Variants in LMAN2L observed in about 807,000 individuals in gnomAD.
LMAN2L encodes the protein lectin, mannose binding 2 like.
Under a neutral mutation model 44.3 loss-of-function variants are expected in LMAN2L, and 30 were observed. The observed-to-expected ratio is 0.68, with a 90% confidence interval of 0.51 to 0.92. The LOEUF (loss-of-function observed/expected upper bound fraction) is 0.92. LMAN2L is among the 40% of genes least tolerant of loss of function. The probability of loss-of-function intolerance (pLI) is 0.00; values close to 1 mark genes in which losing one functional copy is unlikely to be tolerated. For missense variants in LMAN2L, 429 were observed against 446.1 expected (o/e 0.96, Z 0.35); for synonymous variants, 183 against 171.1 (o/e 1.07, Z -0.54).
rs762772168 is a variant in LMAN2L, at chr2:96,711,744, A to G, written c.696T>C (p.His232=). The G allele has an allele frequency of 3.7e-6, 6 of 1,614,042 alleles. No homozygotes were observed. In the African/African-American group the frequency reaches 6.7e-5, roughly 18 times the overall value. ...LTIMMDIDGK[H]EWRDCIEVPG... is the part of the protein sequence containing the mutation. ...GCACTTCAATGCAGTCCCTCCACTC[A>G]TGCTTGCCATCAATATCCATCATTA... Residue 232 remains histidine (H), a synonymous_variant, in exon 6 of 8, where the codon CAT becomes CAC. Coordinates refer to ENST00000264963, the MANE Select transcript of LMAN2L (RefSeq NM_030805.4).
chr2:96,720,078 G>A (rs1017308225), intron 4 of LMAN2L, among the ~76,000 whole-genome samples: 4 of 151,936 alleles, frequency 2.6e-5, no homozygotes, highest in African/African-American at 7.3e-5. Context: ...TGGATGGCAT[G>A]GTATTGTTAA....
chr2:96,710,444 C>A (rs572093087), intron 6 of LMAN2L, among the ~76,000 whole-genome samples: 1 of 152,110 alleles, frequency 6.6e-6, no homozygotes, highest in Non-Finnish European at 1.5e-5. Context: ...CCAAGGCGGG[C>A]GGATCACAAG....
chr2:96,706,323 G>A lies in LMAN2L; in HGVS notation c.*933C>T, dbSNP rs187953952. 11 of 152,192 alleles carry A rather than the reference G, an allele frequency of 7.2e-5. No homozygotes were observed. Among genetic ancestry groups the A allele is most frequent in the Admixed American group, 5.2e-4 (8 of 15,284 alleles). The allele number at this position is 152,192 out of a possible 1,614,324, so 9.4% of individuals were successfully genotyped here. On this transcript the variant is annotated 3_prime_UTR_variant, in exon 8 of 8. Transcript: ENST00000264963. ...CACTCAAAGTGGGATTCCAAAAATCGTAACTACAAAACATGCAGCTAAGCA... is the reference window on the plus strand; with the variant it reads ...CACTCAAAGTGGGATTCCAAAAATCATAACTACAAAACATGCAGCTAAGCA...
rs182912733 is a variant in LMAN2L at position 96,724,016 on chromosome 2, G to A, written c.507+9503C>T. Among the ~76,000 whole-genome samples, 924 of 151,712 alleles carry A rather than the reference G, an allele frequency of 6.1e-3. 5 individuals are homozygous for A. Among genetic ancestry groups the A allele is most frequent in the African/African-American group, 0.021 (861 of 41,384 alleles). On this transcript the variant is annotated intron_variant, in intron 4 of 7. Transcript: ENST00000264963. Reference sequence around the variant, plus strand: ...CGGGAGGCTGAGGCAGGAGAATGGCGTGAACCCAGGAGGCAGAGCTTGCAG... The same window carrying A: ...CGGGAGGCTGAGGCAGGAGAATGGCATGAACCCAGGAGGCAGAGCTTGCAG...
chr2:96,711,568 T>C (rs967172615), intron 6 of LMAN2L, 88 bp downstream of exon 6: 1 of 855,300 alleles, frequency 1.2e-6, no homozygotes, highest in Non-Finnish European at 1.9e-6. Flanking sequence ...ACCGCTCCTC[T>C]GGCTCTCCCC....
In LMAN2L at chr2:96,739,851, C is replaced by T. The variant is rs772551733; in HGVS notation, c.187+3G>A. 5.0e-6 allele frequency: 8 copies of T among 1,613,332 alleles called. No homozygotes were observed. In the South Asian group the frequency reaches 8.8e-5, roughly 18 times the overall value. On this transcript the variant is annotated splice_donor_region_variant and intron_variant, in intron 1 of 7. Transcript: ENST00000264963. ...CACGACCACCTCACCCTGGGCGCCT[C>T]ACCCTGGTAGGGCTTCGACAGCGAG... is the stretch of plus-strand genomic sequence containing the variant.
chr2:96,717,755 C>G (rs1338967389), intron 4 of LMAN2L, among the ~76,000 whole-genome samples: 1 of 149,542 alleles, frequency 6.7e-6, no homozygotes, highest in Non-Finnish European at 1.5e-5. Flanking sequence ...AGGAGAATCG[C>G]TTGAACCCAG....
chr2:96,709,829 C>T (rs1409519913), intron 6 of LMAN2L, among the ~76,000 whole-genome samples: 1 of 152,242 alleles, frequency 6.6e-6, no homozygotes, highest in African/African-American at 2.4e-5. Context: ...GCAGAGAACA[C>T]AGACTTACTA....
chr2:96,707,105 G>C lies in LMAN2L; in HGVS notation c.*151C>G. 1 of 698,944 alleles carries C rather than the reference G, an allele frequency of 1.4e-6. No individual in the cohort carries two copies. Among genetic ancestry groups the C allele is most frequent in the Admixed American group, 3.1e-5 (1 of 32,602 alleles). The allele number at this position is 698,944 out of a possible 1,614,324, so 43.3% of individuals were successfully genotyped here. On this transcript the variant is annotated 3_prime_UTR_variant, in exon 8 of 8. Coordinates refer to ENST00000264963, the MANE Select transcript of LMAN2L (RefSeq NM_030805.4). ...CCCCATGCACAACCATGGGAATGCG[G>C]GGTCCCTGCATTCAAAACTCCAGTG...
chr2:96,711,325 C>T (rs766121586), intron 6 of LMAN2L, among the ~76,000 whole-genome samples: 6 of 152,048 alleles, frequency 3.9e-5, no homozygotes, highest in African/African-American at 9.7e-5. Flanking sequence ...GGAAGGGGAA[C>T]GGGGAACATT....
intron 5 of LMAN2L, 33 bp from the exon 6 acceptor site, chr2:96,711,803 G>A (rs1420697576): frequency 6.2e-7 from 1 of 1,612,300 alleles, no homozygotes; most frequent in Non-Finnish European, 8.5e-7. Flanking sequence ...TCAGGGTCAG[G>A]CCATGGGAGC....
At position 96,730,013 on chromosome 2, in the gene LMAN2L, G is replaced by GTC. The variant is rs1340140055; in HGVS notation, c.507+3505_507+3506insGA. Among the ~76,000 whole-genome samples the GTC allele has an allele frequency of 2.0e-5, 3 of 152,260 alleles. No individual in the cohort carries two copies. The East Asian group carries it at 5.8e-4, about 29-fold the overall frequency. On this transcript the variant is annotated intron_variant, in intron 4 of 7. Coordinates refer to ENST00000264963, the MANE Select transcript of LMAN2L (RefSeq NM_030805.4). ...AGGGAATTACAATGTGCACTTGGAAGTAAGAACCACAATAGCTAGCCAGAA... is the reference window on the plus strand; with the variant it reads ...AGGGAATTACAATGTGCACTTGGAAGTCTAAGAACCACAATAGCTAGCCAGAA...
chr2:96,707,387 G>T lies in LMAN2L; in HGVS notation c.916C>A (p.Leu306Met), dbSNP rs1471832568. Residue 306 changes from leucine to methionine, a missense_variant, in exon 8 of 8, where the codon CTG becomes ATG. Coordinates refer to ENST00000264963, the MANE Select transcript of LMAN2L (RefSeq NM_030805.4). ...AGGGCCAGGCCACTCAGGGGCGGCA[G>T]TGGAGCTGTCACTGAGGAAGCAAGA... The part of the protein sequence containing the change: ...NMKLPEMTAP[L>M]PPLSGLALFL... 2 of 1,611,926 alleles carry T rather than the reference G, an allele frequency of 1.2e-6. No individual in the cohort carries two copies. Among genetic ancestry groups the T allele is most frequent in the Admixed American group, 3.4e-5 (2 of 59,634 alleles).
In LMAN2L at chr2:96,707,319, G is replaced by T; in HGVS notation, c.984C>A (p.Ala328=). Reference sequence around the variant, plus strand: ...TGTAGAGTATGATACCAATGACTATGGCAAATACAGAAAACACCAGGGAGA... The same window carrying T: ...TGTAGAGTATGATACCAATGACTATTGCAAATACAGAAAACACCAGGGAGA... ...VFFSLVFSVF[A]IVIGIILYNK... is the part of the protein sequence containing the mutation. The change falls in exon 8 of 8, where the codon GCC becomes GCA. Residue 328 remains alanine, a synonymous_variant. Coordinates refer to ENST00000264963, the MANE Select transcript of LMAN2L (RefSeq NM_030805.4). The T allele has an allele frequency of 6.2e-7, 1 of 1,614,052 alleles. No homozygotes were observed.
At chr2:96,719,412 A>G (rs1424446511) in intron 4 of LMAN2L, among the ~76,000 whole-genome samples, 4 of 136,086 alleles carry the variant, frequency 2.9e-5, no homozygotes, top group African/African-American at 1.0e-4. Flanking sequence ...CTCTCTGCCA[A>G]CAGTAAAGAG....
Position 96,710,186 on chromosome 2 carries a change from T to TA in LMAN2L, c.784+1469dup, listed in dbSNP as rs1433496809. ...AGGGGAGGAATACTGCAAAGGGGGATAATAAGGCTTTTGGCAGGTGATGGA... is the reference window on the plus strand; with the variant it reads ...AGGGGAGGAATACTGCAAAGGGGGATAAATAAGGCTTTTGGCAGGTGATGGA... On this transcript the variant is annotated intron_variant, in intron 6 of 7. Coordinates refer to ENST00000264963, the MANE Select transcript of LMAN2L (RefSeq NM_030805.4). Among the ~76,000 whole-genome samples the TA allele has an allele frequency of 2.0e-5, 3 of 152,342 alleles. No individual in the cohort carries two copies. In the East Asian group the frequency reaches 5.8e-4, roughly 29 times the overall value.
chr2:96,718,999 T>C (rs2078096689), intron 4 of LMAN2L, among the ~76,000 whole-genome samples: 1 of 152,216 alleles, frequency 6.6e-6, no homozygotes, highest in Non-Finnish European at 1.5e-5. Flanking sequence ...AGGACTTCAA[T>C]AAAGAGTACT....
intron 4 of LMAN2L, among the ~76,000 whole-genome samples, chr2:96,714,063 T>G (rs1265720385): frequency 6.6e-6 from 1 of 152,154 alleles, no homozygotes; most frequent in African/African-American, 2.4e-5. Context: ...GGAATGGAAT[T>G]AAGATCAGAG....
At position 96,707,108 on chromosome 2, in the gene LMAN2L, T is replaced by A. The variant is rs949983612; in HGVS notation, c.*148A>T. Reference sequence around the variant, plus strand: ...CATGCACAACCATGGGAATGCGGGGTCCCTGCATTCAAAACTCCAGTGACA... The same window carrying A: ...CATGCACAACCATGGGAATGCGGGGACCCTGCATTCAAAACTCCAGTGACA... On this transcript the variant is annotated 3_prime_UTR_variant, in exon 8 of 8. Transcript: ENST00000264963. The A allele has an allele frequency of 9.9e-5, 69 of 696,974 alleles. No individual in the cohort carries two copies. The African/African-American group carries it at 1.1e-3, about 12-fold the overall frequency. The allele number at this position is 696,974 out of a possible 1,614,324, so 43.2% of individuals were successfully genotyped here.
Sources: allele counts gnomAD v4.1 joint callset (sites outside exome capture counted in the v4.1 genomes callset), GRCh38; gene constraint gnomAD v4.1.1; transcripts MANE v1.5; gene names NCBI Gene and HGNC (gene_info 2026-07-23, HGNC 2026-07-21).